Variants in PRKCZ observed in about 807,000 individuals in gnomAD.
PRKCZ encodes the protein protein kinase C zeta, also known as protein kinase C zeta type.
PRKCZ carries 33 observed loss-of-function variants against 79.5 expected under a neutral mutation model. That is an observed-to-expected ratio of 0.41 (90% CI 0.31 to 0.55). The LOEUF (loss-of-function observed/expected upper bound fraction) is 0.55. PRKCZ is among the 20% of genes least tolerant of loss of function. PRKCZ has a pLI of 0.19. For missense variants in PRKCZ, 578 were observed against 813.5 expected (o/e 0.71, Z 3.52); for synonymous variants, 342 against 320.9 (o/e 1.07, Z -0.70).
chr1:2,058,735 T>A (rs1433925206), intron 3 of PRKCZ, among the ~76,000 whole-genome samples: 4 of 151,138 alleles, frequency 2.6e-5, no homozygotes, highest in African/African-American at 7.3e-5. Flanking sequence ...ATCTCTACTA[T>A]AAATACAAAA....
At position 2,154,101 on chromosome 1, in the gene PRKCZ, G is replaced by A. The variant is rs139245474; in HGVS notation, c.877-1894G>A. 7.9e-5 allele frequency among the ~76,000 whole-genome samples: 12 copies of A among 152,330 alleles called. No individual in the cohort carries two copies. In the East Asian group the frequency reaches 1.5e-3, roughly 20 times the overall value. On this transcript the variant is annotated intron_variant, in intron 9 of 17. Transcript: ENST00000378567. Reference sequence around the variant, plus strand: ...CGACGTCCCTGCGGGGCCACAGTGGGTGGGTGCTGCTGGTGAGGGCCACTG... The same window carrying A: ...CGACGTCCCTGCGGGGCCACAGTGGATGGGTGCTGCTGGTGAGGGCCACTG...
At chr1:2,119,035 A>G (rs777405950) in intron 4 of PRKCZ, among the ~76,000 whole-genome samples, 1 of 142,978 alleles carries the variant, frequency 7.0e-6, no homozygotes, top group Non-Finnish European at 1.5e-5. Context: ...TTTTGGTTTA[A>G]TCAGATGTTT....
At chr1:2,183,535 G>A (rs993056964) in intron 16 of PRKCZ, 6 of 152,318 alleles carry the variant, frequency 3.9e-5, no homozygotes, top group African/African-American at 1.2e-4. Context: ...GGGAGTAAGC[G>A]AGTGAATGTC....
At chr1:2,087,003 G>A (rs759944850) in intron 4 of PRKCZ, among the ~76,000 whole-genome samples, 63 of 152,126 alleles carry the variant, frequency 4.1e-4, no homozygotes, top group African/African-American at 1.4e-3. Context: ...GTTGTCTTTC[G>A]TGGGGTTATG....
intron 5 of PRKCZ, 47 bp downstream of exon 5, chr1:2,135,394 T>C: frequency 6.6e-7 from 1 of 1,507,366 alleles, no homozygotes; most frequent in East Asian, 2.3e-5. Context: ...CTTTTGTTAC[T>C]TTTAAAAGCA....
At chr1:2,133,650 G>C (rs1012843983) in intron 4 of PRKCZ, 1 of 151,818 alleles carries the variant, frequency 6.6e-6, no homozygotes, top group South Asian at 2.0e-4. Context: ...CCGTCCCTCG[G>C]TTCCGCCCCC....
chr1:2,171,365 A>T (rs1053800720), intron 11 of PRKCZ, among the ~76,000 whole-genome samples: 10 of 142,758 alleles, frequency 7.0e-5, no homozygotes, highest in Middle Eastern at 3.7e-3. Context: ...AAAAGGTCAT[A>T]TTTAATTTTT....
chr1:2,061,232 G>T (rs1048416491), intron 4 of PRKCZ, among the ~76,000 whole-genome samples: 1 of 152,220 alleles, frequency 6.6e-6, no homozygotes, highest in African/African-American at 2.4e-5. Context: ...CGCGGGGGAA[G>T]CCCACCGTAT....
chr1:2,069,463 T>C (rs753158504), intron 4 of PRKCZ, among the ~76,000 whole-genome samples: 93 of 152,320 alleles, frequency 6.1e-4, no homozygotes, highest in Middle Eastern at 3.4e-3. Flanking sequence ...ACGACCTGTT[T>C]AGTGGTGCCT....
chr1:2,072,619 G>A lies in PRKCZ; in HGVS notation c.334+13028G>A, dbSNP rs550195102. Among the ~76,000 whole-genome samples the A allele has an allele frequency of 1.1e-3, 167 of 152,298 alleles. 1 individual carries two copies. The South Asian group carries it at 0.033, about 30-fold the overall frequency. On this transcript the variant is annotated intron_variant, in intron 4 of 17. Coordinates refer to ENST00000378567, the MANE Select transcript of PRKCZ (RefSeq NM_002744.6). ...AGGCCCCTGGGGCGACTGGGGGCCCGTGTAGGAGGTGGGCCCAGGTGAGAG... is the reference window on the plus strand; with the variant it reads ...AGGCCCCTGGGGCGACTGGGGGCCCATGTAGGAGGTGGGCCCAGGTGAGAG...
intron 4 of PRKCZ, among the ~76,000 whole-genome samples, chr1:2,064,398 T>C (rs530213010): frequency 9.2e-5 from 14 of 152,352 alleles, no homozygotes; most frequent in Non-Finnish European, 1.5e-4. Flanking sequence ...GTTTTTTTCT[T>C]TTGTTGCCTG....
rs1298317730 is a variant in PRKCZ at position 2,177,938 on chromosome 1, C to T, written c.1575+2625C>T. 6.6e-6 allele frequency among the ~76,000 whole-genome samples: 1 copy of T among 152,244 alleles called. No homozygotes were observed. Among genetic ancestry groups the T allele is most frequent in the Non-Finnish European group, 1.5e-5 (1 of 68,046 alleles). On this transcript the variant is annotated intron_variant, in intron 16 of 17. Transcript: ENST00000378567. This position sits in a 1 kb window ranked among gnomAD's most constrained non-coding sequence, Gnocchi z 6.4. ...CCTGCCTCTGCCACCGACCGCCGAC[C>T]CTGCCTCTGCCGTTTCCTTGCCACC...
At chr1:2,076,548 C>T (rs1343715838) in intron 4 of PRKCZ, among the ~76,000 whole-genome samples, 2 of 152,132 alleles carry the variant, frequency 1.3e-5, no homozygotes, top group African/African-American at 4.8e-5. Context: ...TCAAGACCAG[C>T]CTGGCCAACA....
intron 4 of PRKCZ, among the ~76,000 whole-genome samples, chr1:2,124,497 G>A (rs1028901839): frequency 5.3e-5 from 8 of 151,990 alleles, no homozygotes; most frequent in South Asian, 2.1e-4. Flanking sequence ...GTTGTGCTGC[G>A]CCTGTGCTCT....
chr1:2,076,120 G>T (rs1367148312), intron 4 of PRKCZ, among the ~76,000 whole-genome samples: 1 of 152,210 alleles, frequency 6.6e-6, no homozygotes, highest in Non-Finnish European at 1.5e-5. Flanking sequence ...TTGGGGCCGG[G>T]GCTGAGGGGG....
At chr1:2,155,278 T>G (rs1680743655) in intron 9 of PRKCZ, among the ~76,000 whole-genome samples, 1 of 121,326 alleles carries the variant, frequency 8.2e-6, no homozygotes, top group African/African-American at 3.3e-5. Flanking sequence ...ACGGTGGTGG[T>G]GATGATGATG....
rs1004266926 is a variant in PRKCZ at position 2,082,507 on chromosome 1, G to C, written c.334+22916G>C. ...CGTTCCTAGCGACCGGTTTTGTGATGTGGGCAGTGCCGTGCTGGTAAATGC... is the reference window on the plus strand; with the variant it reads ...CGTTCCTAGCGACCGGTTTTGTGATCTGGGCAGTGCCGTGCTGGTAAATGC... On this transcript the variant is annotated intron_variant, in intron 4 of 17. Coordinates refer to ENST00000378567, the MANE Select transcript of PRKCZ (RefSeq NM_002744.6). This position sits in a 1 kb window ranked among gnomAD's most constrained non-coding sequence, Gnocchi z 4.4. 9.1e-6 allele frequency: 4 copies of C among 439,108 alleles called. No individual in the cohort carries two copies. Among genetic ancestry groups the C allele is most frequent in the Non-Finnish European group, 1.8e-5 (4 of 218,076 alleles). 27.2% of individuals were successfully genotyped at this position (439,108 alleles called of 1,614,324 possible). A position where few individuals can be genotyped will look rare whatever the true frequency, so the allele number is the denominator to read the frequency against.
intron 4 of PRKCZ, among the ~76,000 whole-genome samples, chr1:2,124,011 TGGC>T (rs1673217682): frequency 5.0e-4 from 2 of 3,968 alleles, no homozygotes; most frequent in African/African-American, 2.9e-3. Flanking sequence ...AGGGTCACGG[TGGC>T]GGTTAGGGTC....
At chr1:2,048,746 G>A (rs115074769), upstream of PRKCZ, among the ~76,000 whole-genome samples, 2,222 of 152,262 alleles carry the variant, frequency 0.015, 54 homozygotes, top group African/African-American at 0.05. Context: ...GGCTGAGGCT[G>A]GGGCTCCACA....
Sources: allele counts gnomAD v4.1 joint callset (sites outside exome capture counted in the v4.1 genomes callset), GRCh38; gene constraint gnomAD v4.1.1; non-coding constraint Gnocchi (gnomAD v3.1); transcripts MANE v1.5; gene names NCBI Gene and HGNC (gene_info 2026-07-23, HGNC 2026-07-21).